The following NDRG1 variants were observed in gnomAD, a reference collection of about 807,000 sequenced individuals.
The protein encoded by NDRG1 is N-myc downstream regulated 1.
In NDRG1, 32 loss-of-function variants were observed where a neutral mutation model predicts 56.9. That is an observed-to-expected ratio of 0.56 (90% CI 0.42 to 0.76). NDRG1 has a LOEUF of 0.76. Ranked by LOEUF, NDRG1 falls within the 30% of genes least tolerant of loss-of-function variation. The probability of loss-of-function intolerance (pLI) is 0.00; values close to 1 mark genes in which losing one functional copy is unlikely to be tolerated. For synonymous variants in NDRG1, 211 were observed against 204.1 expected (o/e 1.03, Z -0.29); for missense variants, 507 against 545.7 (o/e 0.93, Z 0.71).
In NDRG1 at chr8:133,250,428, A is replaced by G. The variant is rs185552836; in HGVS notation, c.698+12T>C. 13 of 1,608,290 alleles carry G rather than the reference A, an allele frequency of 8.1e-6. No homozygotes were observed. The highest frequency in any genetic ancestry group is 3.3e-5 in the Admixed American group (2 of 60,016). On this transcript the variant is annotated intron_variant, in intron 10 of 15. Coordinates refer to ENST00000323851, the MANE Select transcript of NDRG1 (RefSeq NM_006096.4). ...TAAATAGCAATGATGTGGCTGAACT[A>G]CATCCCAATACCTGTTGTAGGCATT...
intron 15 of NDRG1, chr8:133,240,721 G>T (rs558112822): frequency 6.6e-6 from 1 of 152,298 alleles, no homozygotes; most frequent in African/African-American, 2.4e-5. Context: ...AAGCCGATTT[G>T]GGGAGAAAGA....
chr8:133,237,251 A>T lies in NDRG1; in HGVS notation c.*1627T>A, dbSNP rs1445106203. 4.4e-6 allele frequency: 1 copy of T among 229,234 alleles called. No homozygotes were observed. Among genetic ancestry groups the T allele is most frequent in the African/African-American group, 2.2e-5 (1 of 45,082 alleles). The allele number at this position is 229,234 out of a possible 1,614,324, so 14.2% of individuals were successfully genotyped here. A position where few individuals can be genotyped will look rare whatever the true frequency, so the allele number is the denominator to read the frequency against. On this transcript the variant is annotated 3_prime_UTR_variant, in exon 16 of 16. Transcript: ENST00000323851. ...GAAACTCCTCTGGAAAGACTTGTGC[A>T]CAATAGTTTCCCATCCGTACTCAGC...
chr8:133,292,177 G>A (rs1469597150), intron 1 of NDRG1, among the ~76,000 whole-genome samples: 2 of 152,168 alleles, frequency 1.3e-5, no homozygotes, highest in Non-Finnish European at 2.9e-5. Flanking sequence ...CATGAGCTGC[G>A]CTGGATGGTC....
At chr8:133,248,450 G>A (rs1368717150) in intron 11 of NDRG1, among the ~76,000 whole-genome samples, 1 of 152,200 alleles carries the variant, frequency 6.6e-6, no homozygotes, top group Non-Finnish European at 1.5e-5. Context: ...TGTAGTAGGT[G>A]CTTAATAAAT....
At chr8:133,241,730 CT>C (rs1855393433) in intron 15 of NDRG1, 1 of 525,932 alleles carries the variant, frequency 1.9e-6, no homozygotes, top group Admixed American at 3.4e-5. Flanking sequence ...TATTGTTTCA[CT>C]GTTGGTCATT....
At chr8:133,295,688 T>G (rs2130820899) in intron 1 of NDRG1, among the ~76,000 whole-genome samples, 1 of 152,356 alleles carries the variant, frequency 6.6e-6, no homozygotes, top group East Asian at 1.9e-4. Context: ...ACTACATTTC[T>G]GCAGCAAGAA....
Position 133,237,830 on chromosome 8 carries a change from C to T in NDRG1, c.*1048G>A, listed in dbSNP as rs1803463. 8.6e-6 allele frequency: 2 copies of T among 232,280 alleles called. No individual in the cohort carries two copies. The highest frequency in any genetic ancestry group is 1.7e-5 in the Non-Finnish European group (2 of 117,534). The allele number at this position is 232,280 out of a possible 1,614,324, so 14.4% of individuals were successfully genotyped here. On this transcript the variant is annotated 3_prime_UTR_variant, in exon 16 of 16. Coordinates refer to ENST00000323851, the MANE Select transcript of NDRG1 (RefSeq NM_006096.4). ...GGATTTAAGCCAATCACACAAAATT[C>T]CTGGAACCAAGCTGGGATCCACAGA...
intron 3 of NDRG1, among the ~76,000 whole-genome samples, chr8:133,267,720 T>C (rs10090289): frequency 6.6e-6 from 1 of 151,954 alleles, no homozygotes; most frequent in Non-Finnish European, 1.5e-5. Flanking sequence ...GCAGGCGGTG[T>C]CCCCACCGCC....
At position 133,252,805 on chromosome 8, in the gene NDRG1, T is replaced by TC. The variant is rs755693443; in HGVS notation, c.594+1733dup. Reference sequence around the variant, plus strand: ...TGGAGGCTCTATTCCCCTCGTACACTCGCCAACTCCAGAGTGGGGACTCTA... The same window carrying TC: ...TGGAGGCTCTATTCCCCTCGTACACTCCGCCAACTCCAGAGTGGGGACTCTA... On this transcript the variant is annotated intron_variant, in intron 9 of 15. Coordinates refer to ENST00000323851, the MANE Select transcript of NDRG1 (RefSeq NM_006096.4). Among the ~76,000 whole-genome samples the TC allele has an allele frequency of 2.3e-4, 34 of 149,810 alleles. 1 individual carries two copies. Among genetic ancestry groups the TC allele is most frequent in the Non-Finnish European group, 3.1e-4 (21 of 67,662 alleles).
chr8:133,244,166 T>G (rs896312334), intron 14 of NDRG1, among the ~76,000 whole-genome samples, 189 bp downstream of exon 14: 2 of 152,154 alleles, frequency 1.3e-5, no homozygotes, highest in Non-Finnish European at 2.9e-5. Flanking sequence ...AACCGCAGTA[T>G]CACCTACTCC....
chr8:133,292,395 TG>T (rs1454946735), intron 1 of NDRG1, among the ~76,000 whole-genome samples: 2 of 152,114 alleles, frequency 1.3e-5, no homozygotes, highest in Non-Finnish European at 2.9e-5. Flanking sequence ...CCTTAATCAG[TG>T]GAGATGTCCT....
intron 15 of NDRG1, chr8:133,241,606 G>GT (rs1311991667): frequency 1.7e-5 from 5 of 300,888 alleles, no homozygotes; most frequent in African/African-American, 1.1e-4. Flanking sequence ...GTACTGTGAT[G>GT]GTTCAGTGAG....
At chr8:133,271,225 T>C (rs2977501) in intron 3 of NDRG1, among the ~76,000 whole-genome samples, 147,161 of 152,248 alleles carry the variant, frequency 0.97, 71,174 homozygotes, top group East Asian at 1. Flanking sequence ...GTGGGCTTGG[T>C]GACCCTCCCT....
At chr8:133,247,553 G>C (rs1157198788) in intron 12 of NDRG1, among the ~76,000 whole-genome samples, 1 of 152,240 alleles carries the variant, frequency 6.6e-6, no homozygotes, top group Non-Finnish European at 1.5e-5. Flanking sequence ...GAAAGATCCA[G>C]CTGCTTCCCA....
rs769931363 is a variant in NDRG1, at chr8:133,258,395, C to T, written c.421G>A (p.Ala141Thr). 8.7e-6 allele frequency: 14 copies of T among 1,612,148 alleles called. No homozygotes were observed. Among genetic ancestry groups the T allele is most frequent in the South Asian group, 3.3e-5 (3 of 90,576 alleles). The change falls in exon 7 of 16, where the codon GCA (alanine) becomes ACA (threonine). Residue 141 changes from alanine to threonine, a missense_variant. Ala to Thr is a moderately conservative substitution (Grantham distance 58, BLOSUM62 0). Transcript: ENST00000323851. ...LKSIIGMGTGAGAYILTRFAL... is the reference protein window; with the variant it reads ...LKSIIGMGTGTGAYILTRFAL... Reference sequence around the variant, plus strand: ...AATCGAGTTAGGATGTAGGCGCCTGCTCCTGTTCCCATGCCAATAATGCTT... The same window carrying T: ...AATCGAGTTAGGATGTAGGCGCCTGTTCCTGTTCCCATGCCAATAATGCTT...
intron 1 of NDRG1, among the ~76,000 whole-genome samples, chr8:133,294,929 G>A (rs761848703): frequency 6.6e-6 from 1 of 152,136 alleles, no homozygotes; most frequent in African/African-American, 2.4e-5. Context: ...TCCCACCCAG[G>A]AGCCTCTCAC....
intron 15 of NDRG1, chr8:133,240,695 A>C (rs4548166): frequency 6.6e-6 from 1 of 151,974 alleles, no homozygotes; most frequent in African/African-American, 2.4e-5. Context: ...AGGAGGCTTC[A>C]GCTTTCTGGT....
chr8:133,263,410 T>C (rs924239051), intron 4 of NDRG1, among the ~76,000 whole-genome samples: 1 of 152,210 alleles, frequency 6.6e-6, no homozygotes, highest in African/African-American at 2.4e-5. Context: ...ACGGGACCAG[T>C]GAAACCTGTG....
intron 4 of NDRG1, among the ~76,000 whole-genome samples, chr8:133,264,265 G>C (rs1444644012): frequency 6.6e-6 from 1 of 152,228 alleles, no homozygotes; most frequent in East Asian, 1.9e-4. Context: ...TCTGTGAAAA[G>C]ACTGAAAACC....
Sources: gnomAD v4.1 joint callset for allele counts (sites outside exome capture counted in the v4.1 genomes callset) on GRCh38, gnomAD v4.1.1 for gene constraint, MANE v1.5 for transcripts, NCBI Gene and HGNC (gene_info 2026-07-23, HGNC 2026-07-21) for gene names.